Variants in FAM135A observed in about 807,000 individuals in gnomAD.
The protein encoded by FAM135A is protein FAM135A.
A neutral mutation model predicts 146.8 loss-of-function variants in FAM135A; 79 were observed. The ratio of observed to expected loss-of-function variants is 0.54; its 90% CI spans 0.45 to 0.65. The LOEUF (loss-of-function observed/expected upper bound fraction) is 0.65. Among genes scored for constraint, FAM135A ranks in the 30% least tolerant of loss-of-function variants. The pLI is 0.00. For missense variants in FAM135A, 1,623 were observed against 1,758.2 expected (o/e 0.92, Z 1.38); for synonymous variants, 562 against 603.6 (o/e 0.93, Z 1.01).
At chr6:70,435,429 G>T (rs571127091) in intron 4 of FAM135A, among the ~76,000 whole-genome samples, 1 of 152,160 alleles carries the variant, frequency 6.6e-6, no homozygotes, top group African/African-American at 2.4e-5. Flanking sequence ...TTAAATTTTA[G>T]TAACATCACA....
At chr6:70,429,847 A>G (rs2127784491) in intron 4 of FAM135A, among the ~76,000 whole-genome samples, 1 of 152,324 alleles carries the variant, frequency 6.6e-6, no homozygotes, top group South Asian at 2.1e-4. Flanking sequence ...GGAGATCTAT[A>G]CAAAGAGTGG....
intron 4 of FAM135A, among the ~76,000 whole-genome samples, chr6:70,444,399 T>C (rs1775243223): frequency 6.9e-6 from 1 of 145,112 alleles, no homozygotes; most frequent in Non-Finnish European, 1.5e-5. Flanking sequence ...TAAGTCTGTG[T>C]CTCAAAAAAA....
At chr6:70,557,924 A>C (rs762678232) in intron 21 of FAM135A, among the ~76,000 whole-genome samples, 1 of 152,150 alleles carries the variant, frequency 6.6e-6, no homozygotes, top group Non-Finnish European at 1.5e-5. Context: ...GTGACATCAA[A>C]ATAACCTTTT....
chr6:70,528,489 A>C (rs1468018157), intron 16 of FAM135A, 37 bp downstream of exon 16: 1 of 1,426,842 alleles, frequency 7.0e-7, no homozygotes, highest in Non-Finnish European at 9.2e-7. Flanking sequence ...AGAGCAACTC[A>C]ATATATTTTT....
intron 5 of FAM135A, among the ~76,000 whole-genome samples, chr6:70,468,520 G>A (rs1418506861): frequency 6.6e-6 from 1 of 152,172 alleles, no homozygotes; most frequent in Non-Finnish European, 1.5e-5. Flanking sequence ...GAATACAAGG[G>A]AAACTAACAT....
chr6:70,553,183 A>G (rs1800176791), intron 20 of FAM135A, among the ~76,000 whole-genome samples: 1 of 152,188 alleles, frequency 6.6e-6, no homozygotes, highest in Non-Finnish European at 1.5e-5. Context: ...CAGCCTGGGG[A>G]CTTCAGCCAT....
intron 12 of FAM135A, among the ~76,000 whole-genome samples, chr6:70,520,654 AATAC>A (rs138196316): frequency 0.13 from 19,063 of 152,100 alleles, 1,443 homozygotes; most frequent in Middle Eastern, 0.19. Flanking sequence ...TGCATGCCAA[AATAC>A]ATACATATAC....
intron 20 of FAM135A, among the ~76,000 whole-genome samples, chr6:70,553,541 ACACATACTTT>A (rs1800248304): frequency 6.6e-6 from 1 of 152,194 alleles, no homozygotes; most frequent in African/African-American, 2.4e-5. Flanking sequence ...TTGAGGGAAG[ACACATACTTT>A]CTAATATAAA....
At chr6:70,434,919 A>T (rs1220500207) in intron 4 of FAM135A, among the ~76,000 whole-genome samples, 1 of 151,978 alleles carries the variant, frequency 6.6e-6, no homozygotes, top group East Asian at 1.9e-4. Context: ...TAGAACAGTT[A>T]ATTGAATACC....
chr6:70,431,577 G>A (rs1771642903), intron 4 of FAM135A, among the ~76,000 whole-genome samples: 1 of 152,102 alleles, frequency 6.6e-6, no homozygotes, highest in Non-Finnish European at 1.5e-5. Context: ...AGTAAGGCCA[G>A]CCCACATTTA....
intron 18 of FAM135A, among the ~76,000 whole-genome samples, chr6:70,534,302 A>G (rs1158460828): frequency 7.3e-6 from 1 of 136,338 alleles, no homozygotes; most frequent in Non-Finnish European, 1.5e-5. Flanking sequence ...ATACTTTCAA[A>G]GTTTGTATAC....
At chr6:70,475,309 T>C in intron 5 of FAM135A, 101 bp from the exon 6 acceptor site, 1 of 946,728 alleles carries the variant, frequency 1.1e-6, no homozygotes, top group Non-Finnish European at 1.5e-6. Context: ...AATGACACTA[T>C]AGTAATATAA....
In FAM135A at chr6:70,481,043, GT is replaced by G. The variant is rs1184901697; in HGVS notation, c.669+19del. ...ATCACCAGATGTAAGAACTGAATAT[GT>G]TTATAAATCTTCTCCTTATTTTAAA... is the stretch of plus-strand genomic sequence containing the variant. On this transcript the variant is annotated intron_variant, in intron 9 of 21. Transcript: ENST00000418814. 3 of 1,549,808 alleles carry G rather than the reference GT, an allele frequency of 1.9e-6. No homozygotes were observed. The highest frequency in any genetic ancestry group is 2.6e-6 in the Non-Finnish European group (3 of 1,150,412).
rs755478533 is a variant in FAM135A at position 70,538,398 on chromosome 6, G to A, written c.4225G>A (p.Ala1409Thr). 2.0e-6 allele frequency: 3 copies of A among 1,472,832 alleles called. No individual in the cohort carries two copies. The highest frequency in any genetic ancestry group is 4.8e-5 in the East Asian group (2 of 42,012). 91.2% of individuals were successfully genotyped at this position (1,472,832 alleles called of 1,614,324 possible). Residue 1409 changes from alanine to threonine, a missense_variant, in exon 20 of 22, where the codon GCA becomes ACA. Coordinates refer to ENST00000418814, the MANE Select transcript of FAM135A (RefSeq NM_001162529.3). ...QTFLYKLSNK[A>T]GLHYFKNVVL... ...TTTTTTATATAAGCTTAGTAACAAA[G>A]CAGGTAAGTATATAATAACAGTTTG...
At chr6:70,549,414 T>C (rs1253963586) in intron 20 of FAM135A, among the ~76,000 whole-genome samples, 36 of 152,210 alleles carry the variant, frequency 2.4e-4, no homozygotes, top group Non-Finnish European at 4.4e-5. Flanking sequence ...AGTTATATTT[T>C]TAAAATGAAA....
chr6:70,447,438 A>G (rs531279862), intron 4 of FAM135A, among the ~76,000 whole-genome samples: 16 of 152,352 alleles, frequency 1.1e-4, no homozygotes, highest in African/African-American at 3.4e-4. Context: ...TTTTAAATGT[A>G]AACAAGACCT....
chr6:70,432,351 T>A (rs1425260997), intron 4 of FAM135A, among the ~76,000 whole-genome samples: 1 of 152,188 alleles, frequency 6.6e-6, no homozygotes, highest in African/African-American at 2.4e-5. Flanking sequence ...ATTTTTATGC[T>A]AGATCAAAGC....
chr6:70,478,233 G>A (rs1782995580), intron 8 of FAM135A, among the ~76,000 whole-genome samples: 2 of 151,914 alleles, frequency 1.3e-5, no homozygotes, highest in South Asian at 4.1e-4. Context: ...ATTTTTTTCT[G>A]TTCACTTCCA....
At chr6:70,541,037 CTA>C (rs1268950252) in intron 20 of FAM135A, among the ~76,000 whole-genome samples, 2 of 152,154 alleles carry the variant, frequency 1.3e-5, no homozygotes, top group Admixed American at 6.5e-5. Flanking sequence ...ATTAATTAAC[CTA>C]TGTTTTCCTT....
Sources: gnomAD v4.1 joint callset for allele counts (sites outside exome capture counted in the v4.1 genomes callset) on GRCh38, gnomAD v4.1.1 for gene constraint, MANE v1.5 for transcripts, NCBI Gene and HGNC (gene_info 2026-07-23, HGNC 2026-07-21) for gene names.